Variants in NR3C2 observed in about 807,000 individuals in gnomAD.
NR3C2 encodes the protein mineralocorticoid receptor.
Under a neutral mutation model 86.4 loss-of-function variants are expected in NR3C2, and 15 were observed. The observed-to-expected ratio is 0.17, with a 90% CI of 0.12 to 0.27. The LOEUF is 0.27. Ranked by LOEUF, NR3C2 falls within the 10% of genes least tolerant of loss-of-function variation. The pLI is 1.00. For missense variants in NR3C2, 960 were observed against 1,195.6 expected (o/e 0.80, Z 2.91); for synonymous variants, 458 against 450.5 (o/e 1.02, Z -0.21).
At chr4:148,134,814 A>G (rs1242081314) in intron 6 of NR3C2, among the ~76,000 whole-genome samples, 1 of 150,234 alleles carries the variant, frequency 6.7e-6, no homozygotes, top group Non-Finnish European at 1.5e-5. Context: ...TTGCCCGGCT[A>G]ATTTTTGTAT....
At chr4:148,318,485 C>T (rs1159484210) in intron 2 of NR3C2, among the ~76,000 whole-genome samples, 1 of 149,670 alleles carries the variant, frequency 6.7e-6, no homozygotes, top group Admixed American at 6.6e-5. Context: ...AGTTTACAGT[C>T]CCACCAACAG....
intron 2 of NR3C2, among the ~76,000 whole-genome samples, chr4:148,271,193 A>G (rs2149884927): frequency 6.6e-6 from 1 of 152,290 alleles, no homozygotes; most frequent in East Asian, 1.9e-4. Flanking sequence ...TATTTTTAAA[A>G]TTCTTATTGT....
chr4:148,146,188 G>A (rs1342693525), intron 6 of NR3C2, among the ~76,000 whole-genome samples: 1 of 152,142 alleles, frequency 6.6e-6, no homozygotes, highest in Non-Finnish European at 1.5e-5. Context: ...CAGAATTCCT[G>A]TCCCCCAACC....
intron 2 of NR3C2, among the ~76,000 whole-genome samples, chr4:148,276,033 C>T (rs1251651792): frequency 6.6e-6 from 1 of 151,834 alleles, no homozygotes; most frequent in Non-Finnish European, 1.5e-5. Context: ...ATTCATAAGC[C>T]CCCTTACTCT....
intron 2 of NR3C2, among the ~76,000 whole-genome samples, chr4:148,314,305 C>T (rs1743052492): frequency 6.6e-6 from 1 of 152,124 alleles, no homozygotes; most frequent in African/African-American, 2.4e-5. Flanking sequence ...CAGTATTAAA[C>T]TTGGCCATTT....
At chr4:148,347,533 C>T (rs1309187826) in intron 2 of NR3C2, among the ~76,000 whole-genome samples, 1 of 152,046 alleles carries the variant, frequency 6.6e-6, no homozygotes, top group Non-Finnish European at 1.5e-5. Context: ...GTATTAATTT[C>T]CCCATAATTC....
intron 2 of NR3C2, among the ~76,000 whole-genome samples, chr4:148,416,586 ACTTGTGT>A (rs1342081201): frequency 6.6e-6 from 1 of 152,172 alleles, no homozygotes; most frequent in Non-Finnish European, 1.5e-5. Context: ...CTGCCAAATT[ACTTGTGT>A]CTCTTTCTAC....
In NR3C2 at chr4:148,080,476, C is replaced by T. The variant is rs1730493451; in HGVS notation, c.*868G>A. 1 of 154,258 alleles carries T rather than the reference C, an allele frequency of 6.5e-6. No individual in the cohort carries two copies. Among genetic ancestry groups the T allele is most frequent in the Admixed American group, 6.4e-5 (1 of 15,634 alleles). The allele number at this position is 154,258 out of a possible 1,614,324, so 9.6% of individuals were successfully genotyped here. Reference sequence around the variant, plus strand: ...ACAAAAAAAAATTACCTTGTTTAGACAAAGATAGTACTTAAATAGTCTCCA... The same window carrying T: ...ACAAAAAAAAATTACCTTGTTTAGATAAAGATAGTACTTAAATAGTCTCCA... On this transcript the variant is annotated 3_prime_UTR_variant, in exon 9 of 9. Transcript: ENST00000358102.
Position 148,434,411 on chromosome 4 carries a change from GAA to G in NR3C2, c.1757+691_1757+692del, listed in dbSNP as rs368588782. On this transcript the variant is annotated intron_variant, in intron 2 of 8. Transcript: ENST00000358102. The stretch of plus-strand genomic sequence containing the variant: ...ATAAAATATGTCTTCTTGCAGATCT[GAA>G]AAGTTATAAATATACCAATTCAAAA... Among the ~76,000 whole-genome samples, 8 of 152,236 alleles carry G rather than the reference GAA, an allele frequency of 5.3e-5. No individual in the cohort carries two copies. The East Asian group carries it at 1.3e-3, about 26-fold the overall frequency.
intron 3 of NR3C2, among the ~76,000 whole-genome samples, chr4:148,221,893 T>TAA (rs11378484): frequency 0.13 from 15,907 of 122,408 alleles, 1,229 homozygotes; most frequent in African/African-American, 0.18. Flanking sequence ...GACTCTGTCT[T>TAA]AAAAAAAAAA....
chr4:148,412,407 A>G (rs76243025), intron 2 of NR3C2, among the ~76,000 whole-genome samples: 3,314 of 152,306 alleles, frequency 0.022, 121 homozygotes, highest in African/African-American at 0.075. Context: ...AGAATACATA[A>G]GTGAAGTAAA....
At chr4:148,115,238 G>A (rs1489004368) in intron 7 of NR3C2, among the ~76,000 whole-genome samples, 2 of 152,210 alleles carry the variant, frequency 1.3e-5, no homozygotes, top group East Asian at 1.9e-4. Context: ...TTCAGGACTT[G>A]TAAGCTTATC....
chr4:148,180,055 A>G (rs1437712291), intron 4 of NR3C2, among the ~76,000 whole-genome samples: 1 of 151,822 alleles, frequency 6.6e-6, no homozygotes, highest in Non-Finnish European at 1.5e-5. Flanking sequence ...CTAAACTTCT[A>G]CAACTACTGC....
intron 2 of NR3C2, among the ~76,000 whole-genome samples, chr4:148,418,655 T>G (rs1460617484): frequency 6.6e-6 from 1 of 152,212 alleles, no homozygotes; most frequent in Non-Finnish European, 1.5e-5. Flanking sequence ...ATTCCTCTAT[T>G]TCAATTTTAA....
At chr4:148,231,883 C>T (rs1292681990) in intron 3 of NR3C2, among the ~76,000 whole-genome samples, 1 of 152,166 alleles carries the variant, frequency 6.6e-6, no homozygotes, top group Admixed American at 6.5e-5. Context: ...GATTCCATTT[C>T]AAGAAACCAC....
chr4:148,091,684 G>T (rs763990157), intron 8 of NR3C2, among the ~76,000 whole-genome samples: 1 of 152,190 alleles, frequency 6.6e-6, no homozygotes, highest in East Asian at 1.9e-4. Context: ...TAGTGCACGG[G>T]TACACATTGA....
chr4:148,381,328 C>A (rs1392653280), intron 2 of NR3C2, among the ~76,000 whole-genome samples: 1 of 152,132 alleles, frequency 6.6e-6, no homozygotes, highest in African/African-American at 2.4e-5. Context: ...TGTAAGTGAG[C>A]TAGCCCAGTT....
chr4:148,143,671 C>T (rs775549182), intron 6 of NR3C2, among the ~76,000 whole-genome samples: 1 of 152,140 alleles, frequency 6.6e-6, no homozygotes, highest in African/African-American at 2.4e-5. Flanking sequence ...ACAGGCTGGG[C>T]GCGGTGGCTC....
intron 2 of NR3C2, among the ~76,000 whole-genome samples, chr4:148,339,061 G>A (rs978520683): frequency 3.3e-5 from 5 of 152,174 alleles, no homozygotes; most frequent in African/African-American, 7.2e-5. Flanking sequence ...TTTAGTATCT[G>A]TAAGAATTAA....
Sources: gnomAD v4.1 joint callset for allele counts (sites outside exome capture counted in the v4.1 genomes callset) on GRCh38, gnomAD v4.1.1 for gene constraint, MANE v1.5 for transcripts, NCBI Gene and HGNC (gene_info 2026-07-23, HGNC 2026-07-21) for gene names.